PDE3A: variants seen among roughly 807,000 people sequenced by gnomAD.
PDE3A encodes phosphodiesterase 3A.
PDE3A carries 43 observed loss-of-function variants against 98.3 expected under a neutral mutation model. That is an observed-to-expected ratio of 0.44 (90% confidence interval 0.34 to 0.56). PDE3A has a LOEUF of 0.56. Ranked by LOEUF, PDE3A falls within the 20% of genes least tolerant of loss-of-function variation. PDE3A has a pLI of 0.01. For missense variants in PDE3A, 1,427 were observed against 1,440.7 expected (o/e 0.99, Z 0.15); for synonymous variants, 663 against 567.9 (o/e 1.17, Z -2.38).
In PDE3A at chr12:20,685,241, C is replaced by T. The variant is rs974958482; in HGVS notation, c.*4970C>T. Among the ~76,000 whole-genome samples the T allele has an allele frequency of 6.6e-6, 1 of 151,730 alleles. No individual in the cohort carries two copies. Among genetic ancestry groups the T allele is most frequent in the Non-Finnish European group, 1.5e-5 (1 of 67,946 alleles). On this transcript the variant is annotated 3_prime_UTR_variant, in exon 16 of 16. Transcript: ENST00000359062. ...CAGCCTGACCAACACGGAGAAACCC[C>T]GTCTTTACTAAAAATACAAAATGAT...
chr12:20,421,610 A>C (rs1278635067), intron 1 of PDE3A, among the ~76,000 whole-genome samples: 5 of 151,372 alleles, frequency 3.3e-5, no homozygotes, highest in African/African-American at 1.2e-4. Flanking sequence ...AAAAAAAAAA[A>C]AAAAACCACC....
intron 1 of PDE3A, among the ~76,000 whole-genome samples, chr12:20,465,672 G>T (rs1439792035): frequency 1.3e-5 from 2 of 152,076 alleles, no homozygotes; most frequent in Non-Finnish European, 2.9e-5. Flanking sequence ...GCCTCCCAAA[G>T]TACTGGGATT....
Position 20,683,417 on chromosome 12 carries a change from G to C in PDE3A, c.*3146G>C, listed in dbSNP as rs931434113. 2.6e-5 allele frequency: 4 copies of C among 152,132 alleles called. No individual in the cohort carries two copies. The highest frequency in any genetic ancestry group is 2.0e-4 in the Admixed American group (3 of 15,274). The allele number at this position is 152,132 out of a possible 1,614,324, so 9.4% of individuals were successfully genotyped here. A position where few individuals can be genotyped will look rare whatever the true frequency, so the allele number is the denominator to read the frequency against. ...AGCCCACTTAGGGAAAAAGATAATT[G>C]TTTAGAAAACCATAAAATCAATGGT... On this transcript the variant is annotated 3_prime_UTR_variant, in exon 16 of 16. Transcript: ENST00000359062.
At chr12:20,378,353 A>T (rs1406088813) in intron 1 of PDE3A, among the ~76,000 whole-genome samples, 1 of 151,778 alleles carries the variant, frequency 6.6e-6, no homozygotes, top group East Asian at 1.9e-4. Context: ...TACATCAAGA[A>T]ATAAAGAGAA....
At chr12:20,422,074 C>T (rs1212968806) in intron 1 of PDE3A, among the ~76,000 whole-genome samples, 7 of 152,324 alleles carry the variant, frequency 4.6e-5, no homozygotes, top group African/African-American at 1.4e-4. Flanking sequence ...AGGCCGGGCG[C>T]AATGGCTCAC....
At chr12:20,600,776 C>A (rs1438105852) in intron 2 of PDE3A, among the ~76,000 whole-genome samples, 1 of 152,136 alleles carries the variant, frequency 6.6e-6, no homozygotes, top group African/African-American at 2.4e-5. Context: ...TCCAGTATTT[C>A]AGTGTAACAA....
intron 1 of PDE3A, among the ~76,000 whole-genome samples, chr12:20,556,234 A>G (rs1215489575): frequency 6.6e-6 from 1 of 152,078 alleles, no homozygotes; most frequent in Non-Finnish European, 1.5e-5. Context: ...AGATTTTTAT[A>G]GTTTTGAAGG....
intron 2 of PDE3A, among the ~76,000 whole-genome samples, chr12:20,584,991 G>A (rs1397763284): frequency 2.0e-5 from 3 of 152,092 alleles, no homozygotes; most frequent in Non-Finnish European, 2.9e-5. Flanking sequence ...TAGAAAATAC[G>A]TTAGAACTTT....
At chr12:20,453,901 C>T (rs1286724397) in intron 1 of PDE3A, among the ~76,000 whole-genome samples, 1 of 152,206 alleles carries the variant, frequency 6.6e-6, no homozygotes, top group Non-Finnish European at 1.5e-5. Context: ...TGCTTCCACT[C>T]TTGCCTCCTT....
intron 1 of PDE3A, among the ~76,000 whole-genome samples, chr12:20,399,629 T>C (rs924511920): frequency 6.6e-6 from 1 of 152,202 alleles, no homozygotes; most frequent in African/African-American, 2.4e-5. Flanking sequence ...TTAGTAATCC[T>C]AGAGAAGCAA....
chr12:20,589,642 G>T (rs960595366), intron 2 of PDE3A, among the ~76,000 whole-genome samples: 1 of 151,866 alleles, frequency 6.6e-6, no homozygotes, highest in Admixed American at 6.6e-5. Flanking sequence ...GCCGAGGCGG[G>T]CAGATCACGA....
chr12:20,515,622 G>A (rs899443699), intron 1 of PDE3A, among the ~76,000 whole-genome samples: 4 of 152,182 alleles, frequency 2.6e-5, no homozygotes, highest in Admixed American at 6.5e-5. Context: ...GACACGTGGA[G>A]TATTCTAACT....
chr12:20,665,710 T>A (rs919809026), intron 15 of PDE3A, among the ~76,000 whole-genome samples: 1 of 152,128 alleles, frequency 6.6e-6, no homozygotes, highest in African/African-American at 2.4e-5. Context: ...ATTGTTAAAT[T>A]CTTCGTCTAC....
rs1171287488 is a variant in PDE3A, at chr12:20,683,134, T to C, written c.*2863T>C. ...AATTGCTATTACAGCTAGACGTCAA[T>C]TGGGATAAATAAAGGGATGAAGATC... On this transcript the variant is annotated 3_prime_UTR_variant, in exon 16 of 16. Coordinates refer to ENST00000359062, the MANE Select transcript of PDE3A (RefSeq NM_000921.5). 1 of 152,194 alleles carries C rather than the reference T, an allele frequency of 6.6e-6. No individual in the cohort carries two copies. The highest frequency in any genetic ancestry group is 2.4e-5 in the African/African-American group (1 of 41,460). The allele number at this position is 152,194 out of a possible 1,614,324, so 9.4% of individuals were successfully genotyped here. A position where few individuals can be genotyped will look rare whatever the true frequency, so the allele number is the denominator to read the frequency against.
At chr12:20,607,706 G>T (rs1298885927) in intron 2 of PDE3A, among the ~76,000 whole-genome samples, 4 of 151,318 alleles carry the variant, frequency 2.6e-5, no homozygotes, top group Admixed American at 2.0e-4. Context: ...GTTTTATATT[G>T]CTTGGTAAGT....
intron 1 of PDE3A, among the ~76,000 whole-genome samples, chr12:20,529,694 T>C (rs763048168): frequency 2.6e-5 from 4 of 152,082 alleles, no homozygotes; most frequent in African/African-American, 9.7e-5. Flanking sequence ...CTCTTACAGA[T>C]GTGAGAGAGC....
intron 1 of PDE3A, among the ~76,000 whole-genome samples, chr12:20,515,460 A>G (rs1317793387): frequency 6.6e-6 from 1 of 152,150 alleles, no homozygotes; most frequent in Non-Finnish European, 1.5e-5. Flanking sequence ...TTACACATCT[A>G]TAGGTAGTGA....
chr12:20,588,162 A>AC, intron 2 of PDE3A, among the ~76,000 whole-genome samples: 1 of 152,174 alleles, frequency 6.6e-6, no homozygotes, highest in East Asian at 1.9e-4. Flanking sequence ...GTGCCTGCTG[A>AC]CGTCAACGAA....
intron 15 of PDE3A, among the ~76,000 whole-genome samples, chr12:20,676,788 C>G (rs772057747): frequency 1.3e-5 from 2 of 152,202 alleles, no homozygotes; most frequent in Non-Finnish European, 2.9e-5. Flanking sequence ...CGTGAGCCAC[C>G]GCACCCAGCC....
Sources: gnomAD v4.1 joint callset for allele counts (sites outside exome capture counted in the v4.1 genomes callset) on GRCh38, gnomAD v4.1.1 for gene constraint, MANE v1.5 for transcripts, NCBI Gene and HGNC (gene_info 2026-07-23, HGNC 2026-07-21) for gene names.